Variants in SCAF4 observed in about 807,000 individuals in gnomAD.
SCAF4 encodes SR-related and CTD-associated factor 4.
A neutral mutation model predicts 129.8 loss-of-function variants in SCAF4; 25 were observed. The observed-to-expected ratio is 0.19, with a 90% CI of 0.14 to 0.27. The LOEUF (loss-of-function observed/expected upper bound fraction) is 0.27. Among genes scored for constraint, SCAF4 ranks in the 10% least tolerant of loss-of-function variants. The pLI, the probability that SCAF4 is intolerant of heterozygous loss-of-function variation, is 1.00. For synonymous variants in SCAF4, 551 were observed against 497.7 expected (o/e 1.11, Z -1.43); for missense variants, 1,246 against 1,457.1 (o/e 0.86, Z 2.36).
chr21:31,696,068 A>C, intron 9 of SCAF4, 45 bp downstream of exon 9: 1 of 1,402,744 alleles, frequency 7.1e-7, no homozygotes, highest in Non-Finnish European at 1.0e-6. Flanking sequence ...CATACGCTCT[A>C]TAATGAATAG....
intron 19 of SCAF4, among the ~76,000 whole-genome samples, chr21:31,678,051 T>G (rs1167010016): frequency 6.6e-6 from 1 of 152,196 alleles, no homozygotes. Context: ...CACTTCTCTA[T>G]TTACATTTTC....
intron 19 of SCAF4, among the ~76,000 whole-genome samples, chr21:31,683,355 T>C (rs569043426): frequency 6.6e-6 from 1 of 152,322 alleles, no homozygotes; most frequent in South Asian, 2.1e-4. Flanking sequence ...CTCATCTGTG[T>C]TTGGTTGCAC....
At chr21:31,672,566 G>A (rs568997478) in intron 19 of SCAF4, among the ~76,000 whole-genome samples, 2 of 152,286 alleles carry the variant, frequency 1.3e-5, no homozygotes, top group East Asian at 1.9e-4. Context: ...TACAGGTAGA[G>A]GCCAGAATAA....
rs928513816 is a variant in SCAF4 at position 31,685,377 on chromosome 21, CAA to C, written c.2296+19_2296+20del. ...CCAGCTCCAAGAGGATAAGCAAACA[CAA>C]AGAAAAAAACATGCTTACAGTTTGG... On this transcript the variant is annotated intron_variant, in intron 18 of 19. Transcript: ENST00000286835. The C allele has an allele frequency of 6.3e-7, 1 of 1,592,456 alleles. No homozygotes were observed. Among genetic ancestry groups the C allele is most frequent in the Admixed American group, 1.7e-5 (1 of 57,874 alleles).
At chr21:31,723,981 G>T (rs1222126156) in intron 1 of SCAF4, among the ~76,000 whole-genome samples, 2 of 152,038 alleles carry the variant, frequency 1.3e-5, no homozygotes, top group African/African-American at 4.8e-5. Context: ...AGTTACACTG[G>T]TTTTCTTCCT....
intron 3 of SCAF4, 28 bp downstream of exon 3, chr21:31,705,395 A>C: frequency 9.9e-7 from 1 of 1,007,946 alleles, no homozygotes; most frequent in East Asian, 2.7e-5. Context: ...ATTGTAACTA[A>C]AATGAGGTTA....
intron 7 of SCAF4, 183 bp downstream of exon 7, chr21:31,700,812 A>T (rs8132845): frequency 0.059 from 36,942 of 624,782 alleles, 1,519 homozygotes; most frequent in Non-Finnish European, 0.078. Context: ...AAATTTTTGC[A>T]CTGAGCACAT....
At position 31,685,105 on chromosome 21, in the gene SCAF4, G is replaced by T. The variant is rs766691111; in HGVS notation, c.2432C>A (p.Pro811His). The T allele has an allele frequency of 6.2e-7, 1 of 1,613,286 alleles. No individual in the cohort carries two copies. Among genetic ancestry groups the T allele is most frequent in the Non-Finnish European group, 8.5e-7 (1 of 1,179,832 alleles). Residue 811 changes from proline to histidine, a missense_variant, in exon 19 of 20, where the codon CCT (proline) becomes CAT (histidine). Physicochemically the swap from Pro to His is moderately conservative, Grantham distance 77 (BLOSUM62 -2). Coordinates refer to ENST00000286835, the MANE Select transcript of SCAF4 (RefSeq NM_020706.2). The stretch of plus-strand genomic sequence containing the variant: ...GGTGGGCAGATTCGTGGGTGCAGCA[G>T]GTGGCACGGCAGAGCCATACATTTT... Reference protein sequence around the residue: ...SVKMYGSAVPPAAPTNLPTPP... With the variant: ...SVKMYGSAVPHAAPTNLPTPP...
intron 1 of SCAF4, chr21:31,712,819 T>C: frequency 8.0e-6 from 7 of 871,366 alleles, no homozygotes; most frequent in Non-Finnish European, 9.6e-6. Context: ...CGTGAGCCAC[T>C]GTGCCTGGCC....
At chr21:31,724,617 A>G (rs1462759797) in intron 1 of SCAF4, among the ~76,000 whole-genome samples, 1 of 152,192 alleles carries the variant, frequency 6.6e-6, no homozygotes, top group Non-Finnish European at 1.5e-5. Flanking sequence ...GTGTGCGCAG[A>G]TATGTACAAA....
chr21:31,721,541 C>G (rs781718172), intron 1 of SCAF4, among the ~76,000 whole-genome samples: 39 of 152,076 alleles, frequency 2.6e-4, no homozygotes, highest in Admixed American at 2.6e-3. Context: ...GGGCATATTG[C>G]AGAGGGAGAC....
At position 31,685,405 on chromosome 21, in the gene SCAF4, G is replaced by A. The variant is rs1427794736; in HGVS notation, c.2289C>T (p.Ile763=). ...IPPPHTPPIS[I]PNSTIAGINE... is the part of the protein sequence containing the mutation. ...AGAAAAAAACATGCTTACAGTTTGG[G>A]ATGCTTATTGGTGGAGTGTGAGGAG... Residue 763 remains isoleucine, a synonymous_variant, in exon 18 of 20, where the codon ATC becomes ATT. Transcript: ENST00000286835. 2.5e-6 allele frequency: 4 copies of A among 1,610,458 alleles called. No individual in the cohort carries two copies. Among genetic ancestry groups the A allele is most frequent in the Non-Finnish European group, 2.5e-6 (3 of 1,178,112 alleles).
intron 2 of SCAF4, 60 bp from the exon 3 acceptor site, chr21:31,705,527 T>C: frequency 5.4e-6 from 4 of 734,224 alleles, no homozygotes; most frequent in South Asian, 4.5e-5. Flanking sequence ...TTCCTATAAT[T>C]AGAAAATTCT....
chr21:31,706,461 G>GC, intron 1 of SCAF4, 104 bp from the exon 2 acceptor site: 1 of 761,036 alleles, frequency 1.3e-6, no homozygotes, highest in Non-Finnish European at 2.2e-6. Flanking sequence ...TACAAACGGG[G>GC]CCGGGGTGGT....
chr21:31,702,533 C>T (rs944135678), intron 4 of SCAF4, among the ~76,000 whole-genome samples, 154 bp from the exon 5 acceptor site: 1 of 151,924 alleles, frequency 6.6e-6, no homozygotes, highest in Non-Finnish European at 1.5e-5. Context: ...GAATTACAAC[C>T]TGGTTAAACT....
In SCAF4 at chr21:31,671,432, C is replaced by G. The variant is rs1349861794; in HGVS notation, c.3411G>C (p.Lys1137Asn). Residue 1137 changes from lysine (K) to asparagine (N), a missense_variant, in exon 20 of 20, where the codon AAG (lysine) becomes AAC (asparagine). Transcript: ENST00000286835. Reference protein sequence around the residue: ...AEATSSVEPEKDSGSAAEAPR With the variant: ...AEATSSVEPENDSGSAAEAPR ...GAGCCTCTGCTGCTGAGCCAGAATC[C>G]TTTTCGGGTTCAACGGATGAGGTAG... is the stretch of plus-strand genomic sequence containing the variant. 1 of 1,614,046 alleles carries G rather than the reference C, an allele frequency of 6.2e-7. No homozygotes were observed. Among genetic ancestry groups the G allele is most frequent in the Admixed American group, 1.7e-5 (1 of 60,016 alleles).
intron 19 of SCAF4, among the ~76,000 whole-genome samples, chr21:31,679,361 ATTATCCTTT>A (rs1197141574): frequency 6.6e-6 from 1 of 152,018 alleles, no homozygotes; most frequent in Non-Finnish European, 1.5e-5. Context: ...ATCAGCAAGT[ATTATCCTTT>A]TTCCATTTCA....
At chr21:31,685,325 A>G (rs908995418) in intron 18 of SCAF4, 73 bp downstream of exon 18, 1 of 1,499,204 alleles carries the variant, frequency 6.7e-7, no homozygotes, top group Non-Finnish European at 9.2e-7. Flanking sequence ...TATAGATCCT[A>G]TTACCGCTTC....
chr21:31,725,455 T>C (rs1210867288), intron 1 of SCAF4, among the ~76,000 whole-genome samples: 2 of 152,224 alleles, frequency 1.3e-5, no homozygotes, highest in Non-Finnish European at 2.9e-5. Context: ...ACTGGATAAG[T>C]GTACCAATGT....
Sources: gnomAD v4.1 joint callset for allele counts (sites outside exome capture counted in the v4.1 genomes callset) on GRCh38, gnomAD v4.1.1 for gene constraint, MANE v1.5 for transcripts, NCBI Gene and HGNC (gene_info 2026-07-23, HGNC 2026-07-21) for gene names.